Variants in MCM6 observed in about 807,000 individuals in gnomAD.
MCM6 encodes the protein minichromosome maintenance complex component 6, also known as DNA replication licensing factor MCM6.
Under a neutral mutation model 94.3 loss-of-function variants are expected in MCM6, and 46 were observed. The ratio of observed to expected loss-of-function variants is 0.49; its 90% CI spans 0.39 to 0.62. The LOEUF is 0.62. Ranked by LOEUF, MCM6 falls within the 20% of genes least tolerant of loss-of-function variation. MCM6 has a pLI of 0.00. For missense variants in MCM6, 865 were observed against 1,017.9 expected (o/e 0.85, Z 2.04); for synonymous variants, 335 against 351.9 (o/e 0.95, Z 0.54).
At chr2:135,871,461 A>C (rs1680199125) in intron 2 of MCM6, among the ~76,000 whole-genome samples, 1 of 152,356 alleles carries the variant, frequency 6.6e-6, no homozygotes, top group South Asian at 2.1e-4. Context: ...TAATCTACTA[A>C]GAAATGAACG....
chr2:135,856,724 T>A lies in MCM6; in HGVS notation c.1626+4A>T. 1 of 1,613,644 alleles carries A rather than the reference T, an allele frequency of 6.2e-7. No individual in the cohort carries two copies. The highest frequency in any genetic ancestry group is 1.7e-5 in the Admixed American group (1 of 59,948). On this transcript the variant is annotated splice_donor_region_variant and intron_variant, in intron 11 of 16. Coordinates refer to ENST00000264156, the MANE Select transcript of MCM6 (RefSeq NM_005915.6). Reference sequence around the variant, plus strand: ...GAAATAAAAAAGGAAGCTCATGGGGTTACCTCATTACATTCATCCACAAGG... The same window carrying A: ...GAAATAAAAAAGGAAGCTCATGGGGATACCTCATTACATTCATCCACAAGG...
intron 3 of MCM6, among the ~76,000 whole-genome samples, chr2:135,869,493 T>G (rs1026955073): frequency 6.6e-6 from 1 of 151,526 alleles, no homozygotes; most frequent in African/African-American, 2.4e-5. Flanking sequence ...AAAAAAAGCA[T>G]GTGTTACATA....
intron 7 of MCM6, 45 bp from the exon 8 acceptor site, chr2:135,862,793 T>C (rs1680022277): frequency 1.2e-6 from 2 of 1,603,026 alleles, no homozygotes; most frequent in East Asian, 4.5e-5. Flanking sequence ...TTTTTCAACA[T>C]GAAGTTAAAC....
At chr2:135,865,701 T>C (rs1188068254) in intron 6 of MCM6, among the ~76,000 whole-genome samples, 2 of 152,234 alleles carry the variant, frequency 1.3e-5, no homozygotes, top group African/African-American at 4.8e-5. Context: ...ATTGAGCTTT[T>C]ATGTAAGACA....
intron 12 of MCM6, among the ~76,000 whole-genome samples, chr2:135,852,498 T>C (rs979360182): frequency 7.9e-5 from 12 of 152,220 alleles, no homozygotes; most frequent in African/African-American, 2.2e-4. Context: ...TTAGTAATGT[T>C]TGAAATAAAA....
rs1424297403 is a variant in MCM6, at chr2:135,851,484, G to C, written c.1835C>G (p.Ser612Cys). 1.2e-6 allele frequency: 2 copies of C among 1,613,730 alleles called. No individual in the cohort carries two copies. Among genetic ancestry groups the C allele is most frequent in the Admixed American group, 1.7e-5 (1 of 59,972 alleles). Residue 612 changes from serine (S) to cysteine (C), a missense_variant, in exon 13 of 17, where the codon TCT (serine) becomes TGT (cysteine). Physicochemically the swap from Ser to Cys is moderately radical, Grantham distance 112. This residue lies in a region of MCM6 where 308 missense variants were observed against 324.5 expected (regional missense o/e 0.95). Coordinates refer to ENST00000264156, the MANE Select transcript of MCM6 (RefSeq NM_005915.6). ...RQRDGSGVTK[S>C]SWRITVRQLE... ...CTGTCGCACTGTAATCCTCCATGAA[G>C]ACTTGGTCACTCCAGAACCATCTCT...
In MCM6 at chr2:135,872,711, T is replaced by G; in HGVS notation, c.240A>C (p.Gln80His). Residue 80 changes from glutamine to histidine, a missense_variant, in exon 2 of 17, where the codon CAA becomes CAC. Coordinates refer to ENST00000264156, the MANE Select transcript of MCM6 (RefSeq NM_005915.6). ...TATGCCCATACCTATAGAACTCCTCTTGAATGGTGGTGGAAAGTTGCTGGT... is the reference window on the plus strand; with the variant it reads ...TATGCCCATACCTATAGAACTCCTCGTGAATGGTGGTGGAAAGTTGCTGGT... ...QFNQQLSTTI[Q>H]EEFYRVYPYL... is the part of the protein sequence containing the mutation. 6.2e-7 allele frequency: 1 copy of G among 1,614,144 alleles called. No homozygotes were observed. Among genetic ancestry groups the G allele is most frequent in the East Asian group, 2.2e-5 (1 of 44,884 alleles).
chr2:135,847,695 C>A (rs1356882377), intron 14 of MCM6, among the ~76,000 whole-genome samples: 1 of 150,880 alleles, frequency 6.6e-6, no homozygotes, highest in Non-Finnish European at 1.5e-5. Context: ...TCCCAGGTAG[C>A]TGGGGCTACA....
At chr2:135,841,847 G>A (rs1305351339) in intron 16 of MCM6, among the ~76,000 whole-genome samples, 3 of 152,184 alleles carry the variant, frequency 2.0e-5, no homozygotes, top group East Asian at 1.9e-4. Flanking sequence ...GCTCATGCCT[G>A]TAATCCCAGC....
chr2:135,851,372 G>T (rs1390344139), intron 13 of MCM6, 30 bp downstream of exon 13: 12 of 1,580,868 alleles, frequency 7.6e-6, no homozygotes, highest in Non-Finnish European at 1.0e-5. Context: ...GTTTATCTCT[G>T]CTCTCATCAT....
intron 1 of MCM6, 129 bp downstream of exon 1, chr2:135,876,126 GGGGC>G: frequency 1.6e-6 from 1 of 632,378 alleles, no homozygotes; most frequent in Non-Finnish European, 2.5e-6. Context: ...CTAAAGTTGG[GGGGC>G]GGGCGGGGAG....
At chr2:135,872,881 G>A (rs1680228411) in intron 1 of MCM6, 38 bp from the exon 2 acceptor site, 1 of 1,608,598 alleles carries the variant, frequency 6.2e-7, no homozygotes, top group African/African-American at 1.3e-5. Flanking sequence ...TAAGGACACA[G>A]GCAGTACAAA....
intron 3 of MCM6, among the ~76,000 whole-genome samples, chr2:135,869,340 G>A (rs1210599833): frequency 1.3e-5 from 2 of 151,002 alleles, no homozygotes; most frequent in Non-Finnish European, 2.9e-5. Flanking sequence ...GGTGGAGGGT[G>A]CAGTGAGCCA....
intron 1 of MCM6, among the ~76,000 whole-genome samples, chr2:135,873,133 C>T (rs571743754): frequency 1.3e-5 from 2 of 152,300 alleles, no homozygotes; most frequent in African/African-American, 4.8e-5. Flanking sequence ...CTCACGAGAT[C>T]TGATGGTTTT....
At chr2:135,855,850 T>C (rs1339644060) in intron 11 of MCM6, among the ~76,000 whole-genome samples, 1 of 152,222 alleles carries the variant, frequency 6.6e-6, no homozygotes, top group East Asian at 1.9e-4. Flanking sequence ...TGTCATTTTA[T>C]AGTTCTGTGG....
chr2:135,844,933 AAT>A (rs1457361703), intron 15 of MCM6, among the ~76,000 whole-genome samples: 4 of 152,220 alleles, frequency 2.6e-5, no homozygotes, highest in Non-Finnish European at 5.9e-5. Flanking sequence ...GATTATAAGA[AAT>A]ATGTTTCTTA....
chr2:135,876,438 C>T lies in MCM6; in HGVS notation c.-73G>A, dbSNP rs1680300883. ...AGTCGCTTTTTTCCAGACGCTGCAG[C>T]TTTGCGCGCGCCGCCGCCGCTTCCG... On this transcript the variant is annotated 5_prime_UTR_variant, in exon 1 of 17. Transcript: ENST00000264156. 1.5e-6 allele frequency: 2 copies of T among 1,305,236 alleles called. No individual in the cohort carries two copies. Among genetic ancestry groups the T allele is most frequent in the African/African-American group, 1.5e-5 (1 of 65,756 alleles). The allele number at this position is 1,305,236 out of a possible 1,614,324, so 80.9% of individuals were successfully genotyped here.
chr2:135,872,831 G>A lies in MCM6; in HGVS notation c.120C>T (p.Ser40=), dbSNP rs150079280. Residue 40 remains serine, a synonymous_variant, in exon 2 of 17, where the codon AGC becomes AGT. Transcript: ENST00000264156. ...ATTGCAAGTATTTAATTTCTCCATCGCTGCTCTGAAACCTGCAGGTACATT... is the reference window on the plus strand; with the variant it reads ...ATTGCAAGTATTTAATTTCTCCATCACTGCTCTGAAACCTGCAGGTACATT... ...FLDFLEEFQS[S]DGEIKYLQLA... 23 of 1,613,852 alleles carry A rather than the reference G, an allele frequency of 1.4e-5. No individual in the cohort carries two copies. In the East Asian group the frequency reaches 1.6e-4, roughly 11 times the overall value.
intron 11 of MCM6, among the ~76,000 whole-genome samples, chr2:135,853,211 C>A (rs1679809234): frequency 6.6e-6 from 1 of 152,158 alleles, no homozygotes; most frequent in Admixed American, 6.5e-5. Context: ...CTTTGGGAGA[C>A]TGATGTGAGA....
Sources: gnomAD v4.1 joint callset for allele counts (sites outside exome capture counted in the v4.1 genomes callset) on GRCh38, gnomAD v4.1.1 for gene constraint, gnomAD v4.1.1 regional missense constraint, MANE v1.5 for transcripts, NCBI Gene and HGNC (gene_info 2026-07-23, HGNC 2026-07-21) for gene names.